PLXNA4: variants seen among roughly 807,000 people sequenced by gnomAD.
PLXNA4 encodes the protein plexin A4.
A neutral mutation model predicts 191.8 loss-of-function variants in PLXNA4; 44 were observed. That is an observed-to-expected ratio of 0.23 (90% CI 0.18 to 0.29). The LOEUF is 0.29. Ranked by LOEUF, PLXNA4 falls within the 10% of genes least tolerant of loss-of-function variation. The pLI is 1.00. For missense variants in PLXNA4, 1,800 were observed against 2,488.8 expected, an observed-to-expected ratio of 0.72 and a Z score of 5.89; for synonymous variants, 1,082 against 1,009.5, an observed-to-expected ratio of 1.07 and a Z score of -1.36.
At chr7:132,311,924 G>A (rs1801759007) in intron 3 of PLXNA4, among the ~76,000 whole-genome samples, 1 of 152,112 alleles carries the variant, frequency 6.6e-6, no homozygotes, top group African/African-American at 2.4e-5. Context: ...AGACAGAGCT[G>A]GAATGCACAG....
intron 4 of PLXNA4, among the ~76,000 whole-genome samples, chr7:132,267,849 G>A (rs1799914080): frequency 6.6e-6 from 1 of 152,086 alleles, no homozygotes. Context: ...GCTGAATTCT[G>A]GCTTCCTTGC....
At chr7:132,488,931 T>C (rs1008587132) in intron 3 of PLXNA4, among the ~76,000 whole-genome samples, 38 of 152,206 alleles carry the variant, frequency 2.5e-4, no homozygotes, top group African/African-American at 8.9e-4. Flanking sequence ...GGCATGTCCC[T>C]TCCCCCTGCC....
intron 1 of PLXNA4, among the ~76,000 whole-genome samples, chr7:132,556,981 A>T (rs1276675103): frequency 6.6e-6 from 1 of 152,248 alleles, no homozygotes; most frequent in East Asian, 1.9e-4. Context: ...CATAAATTCA[A>T]ATTTTAGGCT....
chr7:132,479,120 T>G (rs1436191838), intron 3 of PLXNA4, among the ~76,000 whole-genome samples: 2 of 151,750 alleles, frequency 1.3e-5, no homozygotes, highest in African/African-American at 4.8e-5. Context: ...ATGTTAAAAA[T>G]TAGTGGAGCA....
chr7:132,628,565 C>T (rs570091874), intron 2 of PLXNA4, among the ~76,000 whole-genome samples: 18 of 151,196 alleles, frequency 1.2e-4, no homozygotes, highest in Non-Finnish European at 2.4e-4. Flanking sequence ...CTCTCTCTCT[C>T]TCCCTCATTT....
chr7:132,562,244 TCTC>T (rs201148070), intron 1 of PLXNA4, among the ~76,000 whole-genome samples: 539 of 64,022 alleles, frequency 8.4e-3, no homozygotes, highest in East Asian at 0.011. Flanking sequence ...TACTCCTCCT[TCTC>T]CTCCTCCTCC....
intron 4 of PLXNA4, among the ~76,000 whole-genome samples, chr7:132,284,108 G>A (rs1354670573): frequency 2.0e-5 from 3 of 152,188 alleles, no homozygotes; most frequent in Non-Finnish European, 1.5e-5. Flanking sequence ...AGGACTTCAA[G>A]GTTACAGTGA....
At chr7:132,497,264 T>C (rs1798063648) in intron 2 of PLXNA4, among the ~76,000 whole-genome samples, 3 of 152,244 alleles carry the variant, frequency 2.0e-5, no homozygotes, top group Non-Finnish European at 2.9e-5. Flanking sequence ...TAATAGCTCA[T>C]GTCTAAATGC....
rs180877942 is a variant in PLXNA4 at position 132,207,445 on chromosome 7, C to T, written c.2298+3498G>A. 6.3e-4 allele frequency among the ~76,000 whole-genome samples: 96 copies of T among 152,318 alleles called. No homozygotes were observed. The East Asian group carries it at 0.014, about 23-fold the overall frequency. On this transcript the variant is annotated intron_variant, in intron 10 of 31. Coordinates refer to ENST00000321063, the MANE Select transcript of PLXNA4 (RefSeq NM_020911.2). ...GCTGGTGGCCACGCACTATTATTAG[C>T]AGCACTTGACATTTTCCTAGAGCAT...
chr7:132,388,824 A>G (rs1235822975), intron 3 of PLXNA4, among the ~76,000 whole-genome samples: 2 of 152,198 alleles, frequency 1.3e-5, no homozygotes, highest in Admixed American at 1.3e-4. Context: ...TTCCAATTCT[A>G]CAAGATTCTA....
intron 3 of PLXNA4, among the ~76,000 whole-genome samples, chr7:132,340,685 A>G (rs1474724646): frequency 6.6e-6 from 1 of 152,210 alleles, no homozygotes; most frequent in Non-Finnish European, 1.5e-5. Flanking sequence ...TCCATCCTGC[A>G]AGTCCAGTTT....
At chr7:132,436,302 GGGTCT>G (rs1476563076) in intron 3 of PLXNA4, among the ~76,000 whole-genome samples, 6 of 152,236 alleles carry the variant, frequency 3.9e-5, no homozygotes, top group Admixed American at 3.3e-4. Context: ...TGGGGACAAT[GGGTCT>G]GGTTTATATT....
intron 3 of PLXNA4, among the ~76,000 whole-genome samples, chr7:132,395,372 T>C (rs1793713141): frequency 6.6e-6 from 1 of 152,182 alleles, no homozygotes; most frequent in Non-Finnish European, 1.5e-5. Flanking sequence ...GCACTTTCTT[T>C]AGAGTCTGAG....
Position 132,124,827 on chromosome 7 carries a change from C to G in PLXNA4, c.*5652G>C, listed in dbSNP as rs931325925. On this transcript the variant is annotated 3_prime_UTR_variant, in exon 32 of 32. Transcript: ENST00000321063. ...AATCACCTCACTACCTCTGCCAATA[C>G]AAACAGAAAGTTCTTTTTGTATATG... 5 of 152,226 alleles carry G rather than the reference C, an allele frequency of 3.3e-5. No individual in the cohort carries two copies. Among genetic ancestry groups the G allele is most frequent in the African/African-American group, 9.6e-5 (4 of 41,460 alleles). 9.4% of individuals were successfully genotyped at this position (152,226 alleles called of 1,614,324 possible).
At chr7:132,259,717 C>A (rs145776747) in intron 4 of PLXNA4, among the ~76,000 whole-genome samples, 5 of 152,144 alleles carry the variant, frequency 3.3e-5, no homozygotes, top group Middle Eastern at 6.8e-3. Flanking sequence ...CACTTGGAAG[C>A]GAACAAGGTG....
intron 3 of PLXNA4, among the ~76,000 whole-genome samples, chr7:132,403,168 G>C (rs1794065997): frequency 6.6e-6 from 1 of 152,180 alleles, no homozygotes; most frequent in South Asian, 2.1e-4. Flanking sequence ...ACTACACAGA[G>C]CCCAGGTCCC....
intron 2 of PLXNA4, among the ~76,000 whole-genome samples, chr7:132,607,992 T>C (rs1342723220): frequency 7.2e-6 from 1 of 138,584 alleles, no homozygotes; most frequent in East Asian, 2.3e-4. Context: ...TCCTCATCTC[T>C]ATCACCATCA....
intron 3 of PLXNA4, among the ~76,000 whole-genome samples, chr7:132,363,609 G>A (rs906966802): frequency 2.0e-5 from 3 of 152,130 alleles, no homozygotes; most frequent in Admixed American, 1.3e-4. Flanking sequence ...TGGACATTTG[G>A]GTTGCTTCCA....
chr7:132,373,643 C>T (rs1251199004), intron 3 of PLXNA4, among the ~76,000 whole-genome samples: 1 of 152,138 alleles, frequency 6.6e-6, no homozygotes, highest in African/African-American at 2.4e-5. Flanking sequence ...ACTTGAAACC[C>T]CTGGGCCTTC....
Sources: allele counts gnomAD v4.1 joint callset (sites outside exome capture counted in the v4.1 genomes callset), GRCh38; gene constraint gnomAD v4.1.1; transcripts MANE v1.5; gene names NCBI Gene and HGNC (gene_info 2026-07-23, HGNC 2026-07-21).